VOPP1: variants seen among roughly 807,000 people sequenced by gnomAD.
VOPP1 encodes WW domain binding protein VOPP1.
VOPP1 carries 8 observed loss-of-function variants against 23.5 expected under a neutral mutation model. The ratio of observed to expected loss-of-function variants is 0.34; its 90% CI spans 0.20 to 0.61. VOPP1 has a LOEUF of 0.61. VOPP1 is among the 20% of genes least tolerant of loss of function. VOPP1 has a pLI of 0.78. For synonymous variants in VOPP1, 83 were observed against 97.3 expected (o/e 0.85, Z 0.86); for missense variants, 174 against 238.1 (o/e 0.73, Z 1.77).
At chr7:55,528,691 A>G (rs1239310135) in intron 1 of VOPP1, among the ~76,000 whole-genome samples, 3 of 152,070 alleles carry the variant, frequency 2.0e-5, no homozygotes, top group Admixed American at 1.3e-4. Flanking sequence ...TCTCAAAAAA[A>G]AAAAAGAAAA....
At chr7:55,485,380 G>A (rs1793059085) in intron 4 of VOPP1, among the ~76,000 whole-genome samples, 1 of 152,188 alleles carries the variant, frequency 6.6e-6, no homozygotes, top group African/African-American at 2.4e-5. Flanking sequence ...CTAAAAAGAA[G>A]AGAAAACATG....
At chr7:55,505,743 T>TA (rs1380536804) in intron 2 of VOPP1, among the ~76,000 whole-genome samples, 1 of 151,600 alleles carries the variant, frequency 6.6e-6, no homozygotes, top group African/African-American at 2.4e-5. Context: ...AAGCCTTCCC[T>TA]ATTTTCATTC....
At position 55,492,199 on chromosome 7, in the gene VOPP1, C is replaced by A. The variant is rs182799330; in HGVS notation, c.328+83G>T. ...ACCTGAGCGCTCTCTTCTGGCAGTA[C>A]CCTTTCTGCAGCAGTACCCTTTATA... On this transcript the variant is annotated intron_variant, in intron 4 of 4. Coordinates refer to ENST00000285279, the MANE Select transcript of VOPP1 (RefSeq NM_030796.5). 2.5e-4 allele frequency: 378 copies of A among 1,487,356 alleles called. 2 individuals are homozygous for A. The African/African-American group carries it at 4.5e-3, about 18-fold the overall frequency. The allele number at this position is 1,487,356 out of a possible 1,614,324, so 92.1% of individuals were successfully genotyped here.
Position 55,436,087 on chromosome 7 carries a change from A to T in VOPP1, n.505T>A, listed in dbSNP as rs1450806889. The T allele has an allele frequency of 2.0e-5, 3 of 152,384 alleles. No individual in the cohort carries two copies. The East Asian group carries it at 5.8e-4, about 29-fold the overall frequency. 9.4% of individuals were successfully genotyped at this position (152,384 alleles called of 1,614,324 possible). A position where few individuals can be genotyped will look rare whatever the true frequency, so the allele number is the denominator to read the frequency against. ...ATAACAGCAGGAGGCGGACCAAAGG[A>T]AAGTGGGGGTCAGCTCAGCCTTGCA... On this transcript the variant is annotated non_coding_transcript_exon_variant, in exon 5 of 5. Transcript: ENST00000462326.
At chr7:55,527,569 C>T (rs190482873) in intron 1 of VOPP1, among the ~76,000 whole-genome samples, 66 of 152,282 alleles carry the variant, frequency 4.3e-4, no homozygotes, top group Non-Finnish European at 7.6e-4. Context: ...TACCTGCTTT[C>T]GTGTTCAGCA....
intron 1 of VOPP1, among the ~76,000 whole-genome samples, chr7:55,547,675 A>C (rs1283558130): frequency 6.6e-6 from 1 of 152,204 alleles, no homozygotes. Context: ...GGCCCATGAT[A>C]GCTTTGAGAT....
intron 2 of VOPP1, among the ~76,000 whole-genome samples, chr7:55,517,588 G>GT (rs1008456575): frequency 9.9e-5 from 15 of 152,154 alleles, no homozygotes; most frequent in Non-Finnish European, 1.9e-4. Flanking sequence ...TGAGTCTCCT[G>GT]TACCTGCACT....
At chr7:55,551,099 A>G (rs1266868554) in intron 1 of VOPP1, among the ~76,000 whole-genome samples, 1 of 152,172 alleles carries the variant, frequency 6.6e-6, no homozygotes, top group African/African-American at 2.4e-5. Flanking sequence ...CCTGTTATGC[A>G]GAGAAAACAA....
intron 4 of VOPP1, among the ~76,000 whole-genome samples, chr7:55,448,933 A>G (rs1406599373): frequency 6.6e-6 from 1 of 152,232 alleles, no homozygotes; most frequent in Non-Finnish European, 1.5e-5. Context: ...GAACAGTTTA[A>G]TCGCACTGAG....
intron 2 of VOPP1, among the ~76,000 whole-genome samples, chr7:55,500,052 G>A (rs539134661): frequency 4.1e-4 from 63 of 152,284 alleles, no homozygotes; most frequent in African/African-American, 1.4e-3. Context: ...AGGTGGGACC[G>A]TTTCCTCTCA....
intron 4 of VOPP1, among the ~76,000 whole-genome samples, chr7:55,455,220 AAATAAAAT>A (rs1791336822): frequency 1.3e-5 from 2 of 152,114 alleles, no homozygotes. Flanking sequence ...GCTACAAAGA[AAATAAAAT>A]ACCTAGGAAT....
At chr7:55,568,134 C>T (rs185412101) in intron 1 of VOPP1, among the ~76,000 whole-genome samples, 107 of 135,638 alleles carry the variant, frequency 7.9e-4, no homozygotes, top group Non-Finnish European at 1.3e-3. Context: ...GGCTGGAGTG[C>T]AGTGGCACAA....
intron 1 of VOPP1, among the ~76,000 whole-genome samples, chr7:55,554,489 G>A (rs1480614250): frequency 6.6e-6 from 1 of 152,250 alleles, no homozygotes; most frequent in Non-Finnish European, 1.5e-5. Flanking sequence ...TGTACACGAG[G>A]AAAATGGCCT....
At chr7:55,487,422 T>C (rs1045923293) in intron 4 of VOPP1, among the ~76,000 whole-genome samples, 1 of 152,230 alleles carries the variant, frequency 6.6e-6, no homozygotes, top group African/African-American at 2.4e-5. Context: ...TCTCTCTCTA[T>C]GTATCTGTGG....
chr7:55,505,660 AGGGAGGG>A (rs1209557366), intron 2 of VOPP1, among the ~76,000 whole-genome samples: 5 of 980 alleles, frequency 5.1e-3, no homozygotes, highest in African/African-American at 6.2e-3. Flanking sequence ...GAAGGGAGGG[AGGGAGGG>A]AGGGAGGGAG....
At chr7:55,436,454 C>G (rs975489604) in intron 4 of VOPP1, among the ~76,000 whole-genome samples, 22 of 152,152 alleles carry the variant, frequency 1.4e-4, no homozygotes, top group African/African-American at 5.1e-4. Context: ...GTGAAGGTGC[C>G]GGTGATTGGC....
chr7:55,490,082 T>C (rs996167714), intron 4 of VOPP1, among the ~76,000 whole-genome samples: 4 of 152,056 alleles, frequency 2.6e-5, no homozygotes, highest in African/African-American at 9.7e-5. Flanking sequence ...AAGCTGTGAA[T>C]GCGTCCTCAG....
At chr7:55,505,333 A>G (rs1794638018) in intron 2 of VOPP1, among the ~76,000 whole-genome samples, 1 of 152,170 alleles carries the variant, frequency 6.6e-6, no homozygotes, top group Non-Finnish European at 1.5e-5. Flanking sequence ...CCAAAACCTG[A>G]GACCTTCCCA....
chr7:55,472,847 G>A lies in VOPP1; in HGVS notation c.*8C>T. 5 of 1,165,538 alleles carry A rather than the reference G, an allele frequency of 4.3e-6. No homozygotes were observed. Among genetic ancestry groups the A allele is most frequent in the Non-Finnish European group, 2.3e-6 (2 of 871,528 alleles). The allele number at this position is 1,165,538 out of a possible 1,614,324, so 72.2% of individuals were successfully genotyped here. On this transcript the variant is annotated 3_prime_UTR_variant, in exon 5 of 5. Transcript: ENST00000285279. ...CTCCTGTCTCTCCTCTTGCACGTGGGCACCCCACTACTTGGCCTTCACTAC... is the reference window on the plus strand; with the variant it reads ...CTCCTGTCTCTCCTCTTGCACGTGGACACCCCACTACTTGGCCTTCACTAC...
Sources: allele counts gnomAD v4.1 joint callset (sites outside exome capture counted in the v4.1 genomes callset), GRCh38; gene constraint gnomAD v4.1.1; transcripts MANE v1.5; gene names NCBI Gene and HGNC (gene_info 2026-07-23, HGNC 2026-07-21).